Variants in ADGRL3 observed in about 807,000 individuals in gnomAD.
The protein encoded by ADGRL3 is calcium-independent alpha-latrotoxin receptor 3.
Under a neutral mutation model 153.5 loss-of-function variants are expected in ADGRL3, and 62 were observed. The observed-to-expected ratio is 0.40, with a 90% CI of 0.33 to 0.50. ADGRL3 has a LOEUF of 0.50. Among genes scored for constraint, ADGRL3 ranks in the 20% least tolerant of loss-of-function variants. The pLI, the probability that ADGRL3 is intolerant of heterozygous loss-of-function variation, is 0.47. For missense variants in ADGRL3, 1,641 were observed against 1,859.4 expected, an observed-to-expected ratio of 0.88 and a Z score of 2.16; for synonymous variants, 710 against 672.5, an observed-to-expected ratio of 1.06 and a Z score of -0.86.
chr4:61,702,741 A>G (rs2095790635), intron 6 of ADGRL3, among the ~76,000 whole-genome samples: 1 of 152,184 alleles, frequency 6.6e-6, no homozygotes, highest in African/African-American at 2.4e-5. Context: ...TGTCCAACTC[A>G]TTGGCTACAA....
intron 6 of ADGRL3, among the ~76,000 whole-genome samples, chr4:61,721,468 C>T (rs2096242958): frequency 6.6e-6 from 1 of 152,190 alleles, no homozygotes; most frequent in African/African-American, 2.4e-5. Flanking sequence ...CAAGTTTGCT[C>T]TTTCCAACTT....
At chr4:61,610,134 G>A (rs1353317891) in intron 5 of ADGRL3, among the ~76,000 whole-genome samples, 2 of 129,410 alleles carry the variant, frequency 1.5e-5, no homozygotes, top group Non-Finnish European at 3.1e-5. Context: ...AATAAGGGAA[G>A]TGAGATATAT....
chr4:61,534,277 G>A (rs900760196), intron 4 of ADGRL3, among the ~76,000 whole-genome samples: 15 of 151,856 alleles, frequency 9.9e-5, no homozygotes, highest in African/African-American at 2.9e-4. Context: ...TTTATTTTTC[G>A]TTCTATTCTG....
At chr4:61,847,029 A>G (rs912473355) in intron 9 of ADGRL3, among the ~76,000 whole-genome samples, 4 of 150,538 alleles carry the variant, frequency 2.7e-5, no homozygotes, top group African/African-American at 9.9e-5. Flanking sequence ...GACCCAAACA[A>G]CTCCTCACTG....
intron 15 of ADGRL3, 102 bp downstream of exon 15, chr4:61,936,147 C>T (rs894363895): frequency 9.8e-6 from 12 of 1,224,712 alleles, no homozygotes; most frequent in East Asian, 5.0e-5. Context: ...AGCTTTTCCC[C>T]TCTTCCTCTT....
At chr4:61,837,644 A>C (rs1581076182) in intron 9 of ADGRL3, among the ~76,000 whole-genome samples, 1 of 152,056 alleles carries the variant, frequency 6.6e-6, no homozygotes, top group Admixed American at 6.6e-5. Context: ...TGGCAGCCTC[A>C]TATTTTTAGA....
At chr4:61,336,952 A>G (rs1024716297) in intron 1 of ADGRL3, among the ~76,000 whole-genome samples, 3 of 151,590 alleles carry the variant, frequency 2.0e-5, no homozygotes, top group African/African-American at 7.3e-5. Flanking sequence ...ATACTTCCAT[A>G]AAGCGGTGTT....
At position 62,064,148 on chromosome 4, in the gene ADGRL3, A is replaced by G. The variant is rs565065913; in HGVS notation, c.3815-4018A>G. 2.0e-5 allele frequency among the ~76,000 whole-genome samples: 3 copies of G among 152,230 alleles called. No homozygotes were observed. The East Asian group carries it at 5.8e-4, about 29-fold the overall frequency. On this transcript the variant is annotated intron_variant, in intron 25 of 26. Transcript: ENST00000683033. ...TACATTGAACTAAGCAGTGGAGGAT[A>G]AAGACAGTGTACTGGGCAGTAGCAG...
chr4:61,255,919 T>C (rs2091913502), intron 1 of ADGRL3, among the ~76,000 whole-genome samples: 2 of 152,200 alleles, frequency 1.3e-5, no homozygotes, highest in African/African-American at 4.8e-5. Flanking sequence ...AAGAATTTAC[T>C]GTTCTCCTCT....
At chr4:61,878,492 AT>A (rs2098489429) in intron 9 of ADGRL3, among the ~76,000 whole-genome samples, 1 of 152,218 alleles carries the variant, frequency 6.6e-6, no homozygotes, top group Non-Finnish European at 1.5e-5. Flanking sequence ...CTGTAAGTCT[AT>A]AAGTATTTTG....
At chr4:61,545,763 C>T (rs1366631560) in intron 4 of ADGRL3, among the ~76,000 whole-genome samples, 1 of 152,150 alleles carries the variant, frequency 6.6e-6, no homozygotes, top group African/African-American at 2.4e-5. Context: ...GATCTTCCTG[C>T]CTCGGCCTCC....
chr4:61,851,948 T>C (rs1472077563), intron 9 of ADGRL3, among the ~76,000 whole-genome samples: 1 of 152,172 alleles, frequency 6.6e-6, no homozygotes, highest in East Asian at 1.9e-4. Context: ...CAGGAACTGA[T>C]TATGTCATCA....
In ADGRL3 at chr4:61,538,508, C is replaced by T. The variant is rs550077329; in HGVS notation, c.259+20990C>T. 8.5e-5 allele frequency among the ~76,000 whole-genome samples: 13 copies of T among 152,258 alleles called. No individual in the cohort carries two copies. In the South Asian group the frequency reaches 1.0e-3, roughly 12 times the overall value. ...AGGCTGGAGGGCAATGGTGCGATCT[C>T]AGCTCACCGCAACCTCCGCTTCCCA... is the stretch of plus-strand genomic sequence containing the variant. On this transcript the variant is annotated intron_variant, in intron 4 of 26. Transcript: ENST00000683033.
chr4:61,558,871 C>T (rs1000687483), intron 4 of ADGRL3, among the ~76,000 whole-genome samples: 1 of 152,008 alleles, frequency 6.6e-6, no homozygotes, highest in African/African-American at 2.4e-5. Context: ...AAGAACATAT[C>T]TGACATATAA....
chr4:61,747,484 C>T (rs189215260), intron 8 of ADGRL3, among the ~76,000 whole-genome samples: 3,505 of 148,036 alleles, frequency 0.024, 101 homozygotes, highest in East Asian at 0.072. Flanking sequence ...CCAAATCCAG[C>T]GGCACATCAA....
At chr4:62,003,406 GTA>G (rs1307530179) in intron 21 of ADGRL3, among the ~76,000 whole-genome samples, 1 of 152,056 alleles carries the variant, frequency 6.6e-6, no homozygotes, top group East Asian at 1.9e-4. Flanking sequence ...GTCAAGGAGA[GTA>G]ATAACTTGAG....
chr4:61,296,372 A>G (rs1444966370), intron 1 of ADGRL3, among the ~76,000 whole-genome samples: 1 of 152,176 alleles, frequency 6.6e-6, no homozygotes. Context: ...GGGGATGGGA[A>G]CAAAGACAAA....
rs2099017127 is a variant in ADGRL3, at chr4:61,602,779, A to G, written c.473+15339A>G. Among the ~76,000 whole-genome samples the G allele has an allele frequency of 1.3e-5, 2 of 152,318 alleles. 1 individual carries two copies. Among genetic ancestry groups the G allele is most frequent in the South Asian group, 4.1e-4 (2 of 4,828 alleles). On this transcript the variant is annotated intron_variant, in intron 5 of 26. Coordinates refer to ENST00000683033, the MANE Select transcript of ADGRL3 (RefSeq NM_001387552.1). ...AGTATTATTATGCAGAACAATCACA[A>G]AACAGTTTATCCTTCACTAGAAATA...
At chr4:61,680,927 C>G (rs1470411547) in intron 6 of ADGRL3, among the ~76,000 whole-genome samples, 1 of 152,038 alleles carries the variant, frequency 6.6e-6, no homozygotes, top group Admixed American at 6.6e-5. Context: ...ACAGATGAAT[C>G]AATACTTTTC....
Sources: allele counts gnomAD v4.1 joint callset (sites outside exome capture counted in the v4.1 genomes callset), GRCh38; gene constraint gnomAD v4.1.1; transcripts MANE v1.5; gene names NCBI Gene and HGNC (gene_info 2026-07-23, HGNC 2026-07-21).